The following MAPK8 variants were observed in gnomAD, a reference collection of about 807,000 sequenced individuals.
MAPK8 encodes the protein JUN N-terminal kinase.
In MAPK8, 13 loss-of-function variants were observed where a neutral mutation model predicts 52.9. The observed-to-expected ratio is 0.25, with a 90% CI of 0.16 to 0.39. The LOEUF (loss-of-function observed/expected upper bound fraction) is 0.39. Among genes scored for constraint, MAPK8 ranks in the 10% least tolerant of loss-of-function variants. The pLI is 1.00. For synonymous variants in MAPK8, 191 were observed against 169.8 expected (o/e 1.12, Z -0.97); for missense variants, 300 against 519.2 (o/e 0.58, Z 4.10).
chr10:48,325,354 A>C (rs1843411224), intron 1 of MAPK8, among the ~76,000 whole-genome samples: 1 of 152,158 alleles, frequency 6.6e-6, no homozygotes, highest in Non-Finnish European at 1.5e-5. Flanking sequence ...ATAAATGTTT[A>C]TTTCTCTTCA....
intron 1 of MAPK8, among the ~76,000 whole-genome samples, chr10:48,379,090 G>A (rs546064359): frequency 6.6e-6 from 1 of 152,320 alleles, no homozygotes; most frequent in East Asian, 1.9e-4. Flanking sequence ...AGAAATTTTG[G>A]ATTAGACTTT....
At chr10:48,410,308 A>G (rs1271766724) in intron 5 of MAPK8, 140 bp downstream of exon 5, 2 of 613,716 alleles carry the variant, frequency 3.3e-6, no homozygotes, top group African/African-American at 3.8e-5. Flanking sequence ...ATTCTAAAAT[A>G]TTTTCATTAC....
At chr10:48,315,252 T>C (rs1260617150) in intron 1 of MAPK8, among the ~76,000 whole-genome samples, 1 of 152,240 alleles carries the variant, frequency 6.6e-6, no homozygotes, top group Non-Finnish European at 1.5e-5. Flanking sequence ...TTTTTTATTT[T>C]ATTGTGGTAA....
intron 1 of MAPK8, among the ~76,000 whole-genome samples, chr10:48,396,809 A>T (rs1330800368): frequency 1.3e-5 from 2 of 152,232 alleles, no homozygotes; most frequent in East Asian, 3.8e-4. Context: ...TCTTTTCCCT[A>T]TTATAAAAAT....
At chr10:48,426,629 T>C in intron 9 of MAPK8, 125 bp downstream of exon 9, 1 of 902,458 alleles carries the variant, frequency 1.1e-6, no homozygotes, top group South Asian at 1.7e-5. Context: ...TGTTTTTCTG[T>C]TTCTTCATGA....
chr10:48,408,498 G>A (rs1232494828), intron 3 of MAPK8, among the ~76,000 whole-genome samples: 3 of 152,206 alleles, frequency 2.0e-5, no homozygotes, highest in African/African-American at 7.2e-5. Flanking sequence ...CTTAAAACTA[G>A]CATAGCTAAA....
intron 1 of MAPK8, among the ~76,000 whole-genome samples, chr10:48,391,519 G>A (rs1485710743): frequency 4.6e-5 from 7 of 152,108 alleles, no homozygotes; most frequent in Admixed American, 3.3e-4. Context: ...CCTTATCTTG[G>A]TGAATGTGGA....
chr10:48,335,503 CA>C (rs1844600182), intron 1 of MAPK8, among the ~76,000 whole-genome samples: 1 of 152,120 alleles, frequency 6.6e-6, no homozygotes, highest in African/African-American at 2.4e-5. Flanking sequence ...GGGATAGATA[CA>C]AATTTTGCAA....
intron 7 of MAPK8, 147 bp downstream of exon 7, chr10:48,424,306 T>G (rs1230603116): frequency 1.2e-6 from 1 of 801,624 alleles, no homozygotes; most frequent in Non-Finnish European, 2.0e-6. Context: ...ATTGTTGAGA[T>G]AAGAAGCTGA....
In MAPK8 at chr10:48,413,815, T is replaced by TTATATATATATA. The variant is rs59042608; in HGVS notation, c.450+3681_450+3692dup. 7.1e-3 allele frequency among the ~76,000 whole-genome samples: 342 copies of TTATATATATATA among 48,234 alleles called. 6 individuals are homozygous for TTATATATATATA. The highest frequency in any genetic ancestry group is 7.6e-3 in the Non-Finnish European group (173 of 22,900). 31.6% of individuals were successfully genotyped at this position (48,234 alleles called of 152,430 possible). A position where few individuals can be genotyped will look rare whatever the true frequency, so the allele number is the denominator to read the frequency against. ...CAAAATTGAGTATTTGCCAGAATTG[T>TTATATATATATA]TATATATATATATATATATATATAT... On this transcript the variant is annotated intron_variant, in intron 5 of 11. Coordinates refer to ENST00000374189, the MANE Select transcript of MAPK8 (RefSeq NM_001323329.2).
chr10:48,426,108 G>A lies in MAPK8; in HGVS notation c.871+38G>A, dbSNP rs1488027618. 3 of 1,543,954 alleles carry A rather than the reference G, an allele frequency of 1.9e-6. No individual in the cohort carries two copies. The Admixed American group carries it at 5.3e-5, about 27-fold the overall frequency. ...AATATGTACATTTAATCCCATTTGG[G>A]GTGTGTAGTGTGTGTGTATGGGTTT... is the stretch of plus-strand genomic sequence containing the variant. On this transcript the variant is annotated intron_variant, in intron 8 of 11. Coordinates refer to ENST00000374189, the MANE Select transcript of MAPK8 (RefSeq NM_001323329.2).
chr10:48,327,490 T>C (rs565286771), intron 1 of MAPK8, among the ~76,000 whole-genome samples: 1 of 152,334 alleles, frequency 6.6e-6, no homozygotes, highest in Non-Finnish European at 1.5e-5. Flanking sequence ...TTTACTAATA[T>C]TTTGTTGAGG....
chr10:48,355,263 A>G (rs1846767157), intron 1 of MAPK8, among the ~76,000 whole-genome samples: 1 of 152,202 alleles, frequency 6.6e-6, no homozygotes, highest in South Asian at 2.1e-4. Context: ...TAATCCCAGC[A>G]CTTTGGGAGG....
intron 1 of MAPK8, among the ~76,000 whole-genome samples, chr10:48,386,641 C>T (rs1487492063): frequency 3.3e-5 from 5 of 152,020 alleles, no homozygotes; most frequent in South Asian, 4.2e-4. Context: ...ATATCATTTC[C>T]GTTACTTATA....
In MAPK8 at chr10:48,435,329, T is replaced by G. The variant is rs1398116475; in HGVS notation, c.*300T>G. ...GCATATTTGCTTTATCTTATGCTGC[T>G]GATTTTTTTAACTGAATTTGTAAGA... On this transcript the variant is annotated 3_prime_UTR_variant, in exon 12 of 12. Coordinates refer to ENST00000374189, the MANE Select transcript of MAPK8 (RefSeq NM_001323329.2). The G allele has an allele frequency of 3.9e-6, 1 of 257,098 alleles. No individual in the cohort carries two copies. The highest frequency in any genetic ancestry group is 2.2e-5 in the African/African-American group (1 of 45,310). 15.9% of individuals were successfully genotyped at this position (257,098 alleles called of 1,614,324 possible).
At chr10:48,405,072 T>G in intron 3 of MAPK8, 91 bp downstream of exon 3, 1 of 659,688 alleles carries the variant, frequency 1.5e-6, no homozygotes, top group Non-Finnish European at 2.5e-6. Flanking sequence ...TTAGGGGCTT[T>G]AAATTGTTCT....
chr10:48,392,915 C>T (rs190008251), intron 1 of MAPK8, among the ~76,000 whole-genome samples: 3 of 152,206 alleles, frequency 2.0e-5, no homozygotes, highest in Non-Finnish European at 2.9e-5. Flanking sequence ...GCTTCTGCTG[C>T]GTTCGCTCTA....
chr10:48,378,955 A>C (rs1230277131), intron 1 of MAPK8, among the ~76,000 whole-genome samples: 5 of 152,206 alleles, frequency 3.3e-5, no homozygotes, highest in Non-Finnish European at 7.3e-5. Flanking sequence ...GAAGAGAAAT[A>C]GACCAATTTA....
chr10:48,308,365 A>C (rs1477194862), intron 1 of MAPK8: 2 of 152,230 alleles, frequency 1.3e-5, no homozygotes, highest in Admixed American at 6.5e-5. Context: ...CTTAAAAAAA[A>C]CCGTAATGTT....
Sources: allele counts gnomAD v4.1 joint callset (sites outside exome capture counted in the v4.1 genomes callset), GRCh38; gene constraint gnomAD v4.1.1; transcripts MANE v1.5; gene names NCBI Gene and HGNC (gene_info 2026-07-23, HGNC 2026-07-21).